SLC35B3: variants seen among roughly 807,000 people sequenced by gnomAD.
SLC35B3 encodes solute carrier family 35 member B3.
In SLC35B3, 35 loss-of-function variants were observed where a neutral mutation model predicts 44.1. That is an observed-to-expected ratio of 0.79 (90% CI 0.61 to 1.05). SLC35B3 has a LOEUF of 1.05. Among genes scored for constraint, SLC35B3 ranks in the 50% least tolerant of loss-of-function variants. The pLI is 0.00. For synonymous variants in SLC35B3, 146 were observed against 167.3 expected, an observed-to-expected ratio of 0.87 and a Z score of 0.98; for missense variants, 414 against 476.4, an observed-to-expected ratio of 0.87 and a Z score of 1.22.
At chr6:8,415,094 G>A (rs907949413) in intron 9 of SLC35B3, 117 bp from the exon 9 acceptor site, 14 of 564,136 alleles carry the variant, frequency 2.5e-5, no homozygotes, top group East Asian at 6.1e-5. Context: ...GAGGTGCCAA[G>A]GTGACAATGG....
chr6:8,417,852 T>C (rs1483107317), intron 7 of SLC35B3, among the ~76,000 whole-genome samples: 1 of 151,912 alleles, frequency 6.6e-6, no homozygotes, highest in Admixed American at 6.6e-5. Context: ...CATAAAAAAA[T>C]TAAGTTTCTA....
In SLC35B3 at chr6:8,435,380, C is replaced by T. The variant is rs1228673702; in HGVS notation, c.-81G>A. 2.3e-6 allele frequency: 3 copies of T among 1,288,790 alleles called. No homozygotes were observed. The highest frequency in any genetic ancestry group is 3.0e-6 in the Non-Finnish European group (3 of 988,798). The allele number at this position is 1,288,790 out of a possible 1,614,324, so 79.8% of individuals were successfully genotyped here. ...ATGTCACCCGGAAGGGTGACGGCAG[C>T]CTGCGTGGCGTCTGAGCTAGACGGA... On this transcript the variant is annotated 5_prime_UTR_variant, in exon 1 of 11. Coordinates refer to ENST00000644923, the MANE Select transcript of SLC35B3 (RefSeq NM_001370476.2). This position sits in a 1 kb window ranked among gnomAD's most constrained non-coding sequence, Gnocchi z 5.5.
In SLC35B3 at chr6:8,422,507, T is replaced by A; in HGVS notation, c.537A>T (p.Lys179Asn). 6.2e-7 allele frequency: 1 copy of A among 1,613,640 alleles called. No homozygotes were observed. The highest frequency in any genetic ancestry group is 1.1e-5 in the South Asian group (1 of 91,052). Residue 179 changes from lysine to asparagine, a missense_variant, in exon 5 of 11, where the codon AAA becomes AAT. Coordinates refer to ENST00000644923, the MANE Select transcript of SLC35B3 (RefSeq NM_001370476.2). ...CTCCTCCTAGCATAACAGGAATCAA[T>A]TTGCAGCACTTGAAGATGACTTGGG...
Position 8,429,765 on chromosome 6 carries a change from T to C in SLC35B3, c.297+99A>G, listed in dbSNP as rs1763781340. The C allele has an allele frequency of 1.5e-5, 12 of 801,556 alleles. No homozygotes were observed. In the East Asian group the frequency reaches 3.3e-4, roughly 22 times the overall value. 49.7% of individuals were successfully genotyped at this position (801,556 alleles called of 1,614,324 possible). A position where few individuals can be genotyped will look rare whatever the true frequency, so the allele number is the denominator to read the frequency against. On this transcript the variant is annotated intron_variant, in intron 3 of 10. Coordinates refer to ENST00000644923, the MANE Select transcript of SLC35B3 (RefSeq NM_001370476.2). ...AAATTCAAATTTATGAATCAGCCAG[T>C]ATCCCCTAAGTGACTATCTTGGGCA...
intron 9 of SLC35B3, 143 bp downstream of exon 8, chr6:8,416,741 C>A: frequency 2.3e-6 from 1 of 434,168 alleles, no homozygotes; most frequent in South Asian, 7.3e-5. Context: ...TCTAAAGAAA[C>A]ACCATAAGCC....
At chr6:8,429,530 C>T (rs890267045) in intron 3 of SLC35B3, among the ~76,000 whole-genome samples, 5 of 152,146 alleles carry the variant, frequency 3.3e-5, no homozygotes, top group African/African-American at 1.2e-4. Flanking sequence ...ATCAAGTAAA[C>T]TGCACTATCA....
At chr6:8,421,107 C>T (rs892847236) in intron 5 of SLC35B3, among the ~76,000 whole-genome samples, 3 of 152,166 alleles carry the variant, frequency 2.0e-5, no homozygotes, top group East Asian at 1.9e-4. Flanking sequence ...GAATAATGCA[C>T]ATCCACAAAC....
In SLC35B3 at chr6:8,424,259, AT is replaced by A. The variant is rs367984191; in HGVS notation, c.420-1636del. ...TTGCTTCCTTAGAAATGGGGAGAAA[AT>A]TTTTTTTTTGAGACGGAGTCTCGCT... On this transcript the variant is annotated intron_variant, in intron 4 of 10. Transcript: ENST00000644923. 9.4e-3 allele frequency among the ~76,000 whole-genome samples: 1,413 copies of A among 150,796 alleles called. 21 individuals carry two copies. Among genetic ancestry groups the A allele is most frequent in the African/African-American group, 0.032 (1,315 of 41,134 alleles).
chr6:8,421,155 C>T (rs1304640394), intron 5 of SLC35B3, among the ~76,000 whole-genome samples: 1 of 152,120 alleles, frequency 6.6e-6, no homozygotes, highest in African/African-American at 2.4e-5. Flanking sequence ...TCCTGTTTTA[C>T]TTTGTGCATA....
At chr6:8,422,053 G>A (rs1193965762) in intron 5 of SLC35B3, among the ~76,000 whole-genome samples, 3 of 152,180 alleles carry the variant, frequency 2.0e-5, no homozygotes, top group Admixed American at 2.0e-4. Flanking sequence ...CGCCCAGGCT[G>A]GAGTGCAGTG....
Position 8,422,563 on chromosome 6 carries a change from T to C in SLC35B3, c.481A>G (p.Asn161Asp), listed in dbSNP as rs1159636485. 1 of 1,613,532 alleles carries C rather than the reference T, an allele frequency of 6.2e-7. No homozygotes were observed. Among genetic ancestry groups the C allele is most frequent in the South Asian group, 1.1e-5 (1 of 91,054 alleles). ...TAATTCAGGTAGCCCAAGGAAGTGT[T>C]TGATAACCCCATAGTACCCACAGTT... Residue 161 changes from asparagine (N) to aspartate (D), a missense_variant, in exon 5 of 11, where the codon AAC becomes GAC. Transcript: ENST00000644923.
intron 4 of SLC35B3, among the ~76,000 whole-genome samples, chr6:8,427,659 A>C (rs186138136): frequency 6.6e-6 from 1 of 152,342 alleles, no homozygotes; most frequent in Non-Finnish European, 1.5e-5. Flanking sequence ...ATTTATACAA[A>C]TCAAGTATGT....
Position 8,420,121 on chromosome 6 carries a change from A to G in SLC35B3, c.683-444T>C, listed in dbSNP as rs1237060361. 6.6e-6 allele frequency among the ~76,000 whole-genome samples: 1 copy of G among 151,988 alleles called. No homozygotes were observed. Among genetic ancestry groups the G allele is most frequent in the African/African-American group, 2.4e-5 (1 of 41,424 alleles). On this transcript the variant is annotated intron_variant, in intron 6 of 10. Coordinates refer to ENST00000644923, the MANE Select transcript of SLC35B3 (RefSeq NM_001370476.2). The surrounding 1 kb of genome is among the most constrained non-coding windows in gnomAD (Gnocchi z 4.4). The stretch of plus-strand genomic sequence containing the variant: ...TACTAAAATGTTTAATTTAAATCAC[A>G]TAAACAGGCACGCTGCTGTCAGGGC...
rs1762072913 is a variant in SLC35B3, at chr6:8,411,814, G to A, written c.*1735C>T. ...CAAAATATAAACAGTGTCCCCAAGA[G>A]CACTAAGCTTTTTAAACCAGTATTA... On this transcript the variant is annotated 3_prime_UTR_variant, in exon 11 of 11. Coordinates refer to ENST00000644923, the MANE Select transcript of SLC35B3 (RefSeq NM_001370476.2). Among the ~76,000 whole-genome samples the A allele has an allele frequency of 6.6e-6, 1 of 152,060 alleles. No individual in the cohort carries two copies. The highest frequency in any genetic ancestry group is 1.5e-5 in the Non-Finnish European group (1 of 68,010).
intron 3 of SLC35B3, among the ~76,000 whole-genome samples, chr6:8,429,283 T>C (rs528899303): frequency 6.6e-6 from 1 of 152,190 alleles, no homozygotes; most frequent in African/African-American, 2.4e-5. Context: ...TTTCCAAATA[T>C]AATGTAAATA....
chr6:8,412,166 A>G lies in SLC35B3; in HGVS notation c.*1383T>C, dbSNP rs900846264. On this transcript the variant is annotated 3_prime_UTR_variant, in exon 11 of 11. Transcript: ENST00000644923. ...AATGAGAAGGCTCCTTCTGTGAACC[A>G]GAAAGCAGGCTCTCACCAAATCTGC... is the stretch of plus-strand genomic sequence containing the variant. Among the ~76,000 whole-genome samples, 2 of 152,198 alleles carry G rather than the reference A, an allele frequency of 1.3e-5. No homozygotes were observed. The highest frequency in any genetic ancestry group is 4.8e-5 in the African/African-American group (2 of 41,444).
chr6:8,434,291 A>AACC lies in SLC35B3; in HGVS notation c.3+93_3+94insGGT. ...GTCCCACACCAAAAAAAGGTAGAAT[A>AACC]TGAAAAAAAAGTCATTACGGTGTCA... On this transcript the variant is annotated intron_variant, in intron 2 of 10. Transcript: ENST00000644923. The surrounding 1 kb of genome is among the most constrained non-coding windows in gnomAD (Gnocchi z 6.3). The AACC allele has an allele frequency of 1.7e-6, 2 of 1,209,640 alleles. No homozygotes were observed. Among genetic ancestry groups the AACC allele is most frequent in the South Asian group, 2.5e-5 (2 of 78,560 alleles). The allele number at this position is 1,209,640 out of a possible 1,614,324, so 74.9% of individuals were successfully genotyped here. A position where few individuals can be genotyped will look rare whatever the true frequency, so the allele number is the denominator to read the frequency against.
At position 8,435,396 on chromosome 6, in the gene SLC35B3, G is replaced by A. The variant is rs1179895650; in HGVS notation, c.-97C>T. 1 of 1,288,368 alleles carries A rather than the reference G, an allele frequency of 7.8e-7. No homozygotes were observed. Among genetic ancestry groups the A allele is most frequent in the African/African-American group, 1.5e-5 (1 of 65,940 alleles). The allele number at this position is 1,288,368 out of a possible 1,614,324, so 79.8% of individuals were successfully genotyped here. A position where few individuals can be genotyped will look rare whatever the true frequency, so the allele number is the denominator to read the frequency against. On this transcript the variant is annotated 5_prime_UTR_variant, in exon 1 of 11. Transcript: ENST00000644923. This position sits in a 1 kb window ranked among gnomAD's most constrained non-coding sequence, Gnocchi z 5.5. ...TGACGGCAGCCTGCGTGGCGTCTGAGCTAGACGGAGCATCTCCCCCTCCCC... is the reference window on the plus strand; with the variant it reads ...TGACGGCAGCCTGCGTGGCGTCTGAACTAGACGGAGCATCTCCCCCTCCCC...
At chr6:8,413,828 A>G in intron 10 of SLC35B3, 129 bp from the exon 10 acceptor site, 1 of 560,950 alleles carries the variant, frequency 1.8e-6, no homozygotes, top group Non-Finnish European at 3.0e-6. Context: ...GCCTACAATA[A>G]TAGCATTAAA....
Sources: allele counts gnomAD v4.1 joint callset (sites outside exome capture counted in the v4.1 genomes callset), GRCh38; gene constraint gnomAD v4.1.1; non-coding constraint Gnocchi (gnomAD v3.1); transcripts MANE v1.5; gene names NCBI Gene and HGNC (gene_info 2026-07-23, HGNC 2026-07-21).